IL1RAPL1: variants seen among roughly 807,000 people sequenced by gnomAD.
The protein encoded by IL1RAPL1 is interleukin 1 receptor accessory protein like 1.
Under a neutral mutation model 48.4 loss-of-function variants are expected in IL1RAPL1, and 3 were observed. That is an observed-to-expected ratio of 0.06 (90% CI 0.03 to 0.16). IL1RAPL1 has a LOEUF of 0.16. Among genes scored for constraint, IL1RAPL1 ranks in the 10% least tolerant of loss-of-function variants. The probability of loss-of-function intolerance (pLI) is 1.00; values close to 1 mark genes in which losing one functional copy is unlikely to be tolerated. For missense variants in IL1RAPL1, 349 were observed against 530.6 expected (o/e 0.66, Z 3.36); for synonymous variants, 185 against 187.7 (o/e 0.99, Z 0.12).
intron 2 of IL1RAPL1, among the ~76,000 whole-genome samples, chrX:28,823,189 G>A (rs937725345): frequency 9.0e-6 from 1 of 111,380 alleles, no homozygotes; most frequent in Admixed American, 9.6e-5. Flanking sequence ...GTCTTTGGCT[G>A]CTTTCTAGGA....
At chrX:29,920,624 G>GTC (rs1338849935) in intron 8 of IL1RAPL1, among the ~76,000 whole-genome samples, 1 of 108,066 alleles carries the variant, frequency 9.3e-6, no homozygotes, top group Admixed American at 1.0e-4. Context: ...GTGAAACCCT[G>GTC]TCTCTACTAA....
rs1379212010 is a variant in IL1RAPL1, at chrX:29,604,958, TC to T, written c.704-63468del. 2.7e-5 allele frequency among the ~76,000 whole-genome samples: 3 copies of T among 109,822 alleles called. No homozygotes were observed. In the Admixed American group the frequency reaches 3.0e-4, roughly 11 times the overall value. On this transcript the variant is annotated intron_variant, in intron 5 of 10. Transcript: ENST00000378993. ...GGCCAACATGGTGTAAACCAACTCA[TC>T]CCCAACGTCAGTGATTCATTTTGGA...
chrX:28,606,858 C>T (rs752540664), intron 1 of IL1RAPL1, among the ~76,000 whole-genome samples: 3 of 110,944 alleles, frequency 2.7e-5, no homozygotes, highest in South Asian at 3.8e-4. Context: ...ACATGTTTAA[C>T]ATTTTTGATT....
intron 2 of IL1RAPL1, among the ~76,000 whole-genome samples, chrX:29,177,849 T>C (rs1930057817): frequency 9.0e-6 from 1 of 111,590 alleles, no homozygotes; most frequent in Non-Finnish European, 1.9e-5. Flanking sequence ...TCGTGTTTGG[T>C]TTTCTGTCCT....
chrX:28,632,413 G>A (rs1934410819), intron 1 of IL1RAPL1, among the ~76,000 whole-genome samples: 4 of 111,600 alleles, frequency 3.6e-5, no homozygotes, highest in South Asian at 7.5e-4. Flanking sequence ...TTGGTGGGTA[G>A]GGCTTCAACA....
chrX:28,713,294 G>A (rs1421805262), intron 1 of IL1RAPL1, among the ~76,000 whole-genome samples: 1 of 110,625 alleles, frequency 9.0e-6, no homozygotes, highest in Admixed American at 9.7e-5. Context: ...CTGAACTCGT[G>A]ATCTGCCCAC....
chrX:28,892,141 G>C (rs987405879), intron 2 of IL1RAPL1, among the ~76,000 whole-genome samples: 2 of 110,874 alleles, frequency 1.8e-5, no homozygotes, highest in African/African-American at 6.6e-5. Context: ...CGAGTGAAGA[G>C]ACCACCAAAC....
intron 6 of IL1RAPL1, among the ~76,000 whole-genome samples, chrX:29,852,824 C>T (rs1931397059): frequency 9.0e-6 from 1 of 111,672 alleles, no homozygotes; most frequent in Admixed American, 9.5e-5. Flanking sequence ...CCAGAGGAAA[C>T]AAAAATGAGC....
intron 6 of IL1RAPL1, among the ~76,000 whole-genome samples, chrX:29,788,311 T>C (rs1285498184): frequency 9.0e-6 from 1 of 111,373 alleles, no homozygotes; most frequent in East Asian, 2.8e-4. Context: ...AATATTCTAG[T>C]AAGGAAACAC....
chrX:29,238,739 A>T (rs191733539), intron 2 of IL1RAPL1, among the ~76,000 whole-genome samples: 66 of 112,342 alleles, frequency 5.9e-4, no homozygotes, highest in Admixed American at 2.8e-3. Flanking sequence ...ATATTCAGTG[A>T]CTTACAATTG....
chrX:29,632,973 G>A (rs1193940869), intron 5 of IL1RAPL1, among the ~76,000 whole-genome samples: 1 of 111,754 alleles, frequency 8.9e-6, no homozygotes, highest in African/African-American at 3.3e-5. Context: ...AAAACTGTCA[G>A]TATCTAATAA....
At chrX:29,086,953 C>G (rs1331011187) in intron 2 of IL1RAPL1, among the ~76,000 whole-genome samples, 1 of 110,503 alleles carries the variant, frequency 9.0e-6, no homozygotes, top group East Asian at 2.8e-4. Context: ...AAGAGATTAA[C>G]CTAAAAAGTA....
intron 6 of IL1RAPL1, among the ~76,000 whole-genome samples, chrX:29,901,046 A>AT (rs773472321): frequency 9.0e-6 from 1 of 110,970 alleles, no homozygotes; most frequent in South Asian, 3.8e-4. Flanking sequence ...GTTGCTCCCC[A>AT]TTTTTTTCCT....
intron 2 of IL1RAPL1, among the ~76,000 whole-genome samples, chrX:28,829,141 A>T (rs905428601): frequency 6.3e-5 from 7 of 111,470 alleles, no homozygotes; most frequent in African/African-American, 2.0e-4. Context: ...TCATTTTCAG[A>T]TTGCTCATTG....
chrX:28,672,367 G>T (rs374339879), intron 1 of IL1RAPL1, among the ~76,000 whole-genome samples: 1 of 111,748 alleles, frequency 8.9e-6, no homozygotes, highest in African/African-American at 3.3e-5. Flanking sequence ...AGAAGCTGGG[G>T]GAGGGGGACT....
intron 1 of IL1RAPL1, among the ~76,000 whole-genome samples, chrX:28,711,613 C>T (rs1935441497): frequency 9.1e-6 from 1 of 109,716 alleles, no homozygotes; most frequent in Non-Finnish European, 1.9e-5. Context: ...ACTATGGGGA[C>T]TAATACCAGT....
intron 2 of IL1RAPL1, among the ~76,000 whole-genome samples, chrX:29,094,985 T>C (rs1373766918): frequency 9.2e-6 from 1 of 109,264 alleles, no homozygotes. Flanking sequence ...GCTTTCACTT[T>C]AGGAGTAATT....
At chrX:29,483,302 G>A (rs778308667) in intron 5 of IL1RAPL1, among the ~76,000 whole-genome samples, 1 of 111,373 alleles carries the variant, frequency 9.0e-6, no homozygotes, top group South Asian at 3.8e-4. Context: ...AATTAAAATG[G>A]GCAAAGGCTT....
chrX:29,853,344 A>G lies in IL1RAPL1; in HGVS notation c.779-64120A>G, dbSNP rs762392677. Among the ~76,000 whole-genome samples, 39 of 109,549 alleles carry G rather than the reference A, an allele frequency of 3.6e-4. No homozygotes were observed. In the East Asian group the frequency reaches 8.9e-3, roughly 25 times the overall value. On this transcript the variant is annotated intron_variant, in intron 6 of 10. Transcript: ENST00000378993. ...CCAGTCTCGAAAAAAAGAAAAAAAG[A>G]AAAAAAAATTAGCCAGGCATCATAG...
Sources: allele counts gnomAD v4.1 joint callset (sites outside exome capture counted in the v4.1 genomes callset), GRCh38; gene constraint gnomAD v4.1.1; transcripts MANE v1.5; gene names NCBI Gene and HGNC (gene_info 2026-07-23, HGNC 2026-07-21).